The following GRM8 variants were observed in gnomAD, a reference collection of about 807,000 sequenced individuals.
The protein encoded by GRM8 is metabotropic glutamate receptor 8.
A neutral mutation model predicts 87.2 loss-of-function variants in GRM8; 47 were observed. That is an observed-to-expected ratio of 0.54 (90% confidence interval 0.43 to 0.69). GRM8 has a LOEUF of 0.69. GRM8 is among the 30% of genes least tolerant of loss of function. The pLI, the probability that GRM8 is intolerant of heterozygous loss-of-function variation, is 0.00. For synonymous variants in GRM8, 396 were observed against 404.5 expected, an observed-to-expected ratio of 0.98 and a Z score of 0.25; for missense variants, 1,019 against 1,139.2, an observed-to-expected ratio of 0.89 and a Z score of 1.52.
chr7:126,892,902 T>G (rs1392375338), intron 6 of GRM8, among the ~76,000 whole-genome samples: 13 of 152,164 alleles, frequency 8.5e-5, no homozygotes, highest in Admixed American at 8.5e-4. Context: ...GGTGAGCATT[T>G]TTTCATGTGT....
intron 6 of GRM8, among the ~76,000 whole-genome samples, chr7:126,785,025 C>T (rs1027841910): frequency 3.3e-5 from 5 of 152,192 alleles, no homozygotes; most frequent in African/African-American, 4.8e-5. Context: ...CACAAGCTTG[C>T]GTTCAGCTTC....
At chr7:126,588,091 T>A (rs906785296) in intron 8 of GRM8, among the ~76,000 whole-genome samples, 2 of 152,150 alleles carry the variant, frequency 1.3e-5, no homozygotes, top group African/African-American at 2.4e-5. Flanking sequence ...CATATCTGAT[T>A]TTTGAATCTA....
At chr7:126,856,562 G>A (rs935617888) in intron 6 of GRM8, among the ~76,000 whole-genome samples, 1 of 152,144 alleles carries the variant, frequency 6.6e-6, no homozygotes, top group Non-Finnish European at 1.5e-5. Flanking sequence ...ATATAACTAA[G>A]TTTAGAAGTC....
At chr7:127,215,715 C>A (rs1796487382) in intron 2 of GRM8, among the ~76,000 whole-genome samples, 1 of 152,158 alleles carries the variant, frequency 6.6e-6, no homozygotes, top group Admixed American at 6.5e-5. Flanking sequence ...TTCTCAGTGT[C>A]TGTAATTGGG....
chr7:126,563,650 C>T (rs1793939722), intron 8 of GRM8, among the ~76,000 whole-genome samples: 1 of 152,080 alleles, frequency 6.6e-6, no homozygotes, highest in African/African-American at 2.4e-5. Context: ...GGGAAAGAGC[C>T]ATGTTTAGGG....
At chr7:126,942,818 A>G (rs1214111778) in intron 3 of GRM8, among the ~76,000 whole-genome samples, 1 of 152,168 alleles carries the variant, frequency 6.6e-6, no homozygotes, top group Admixed American at 6.5e-5. Flanking sequence ...TTCCACCAGT[A>G]GCACAGACTC....
chr7:127,061,825 T>C (rs1444102032), intron 3 of GRM8, among the ~76,000 whole-genome samples: 2 of 152,228 alleles, frequency 1.3e-5, no homozygotes, highest in Admixed American at 1.3e-4. Context: ...ATGTAAATAG[T>C]CTACTGTACT....
intron 7 of GRM8, among the ~76,000 whole-genome samples, chr7:126,718,967 C>T (rs544468815): frequency 1.3e-4 from 20 of 152,258 alleles, no homozygotes; most frequent in African/African-American, 4.8e-4. Context: ...CTTTTATATA[C>T]TTTGGAAATA....
intron 6 of GRM8, among the ~76,000 whole-genome samples, chr7:126,772,391 CAGTG>C (rs1359033672): frequency 6.6e-6 from 1 of 152,084 alleles, no homozygotes; most frequent in Non-Finnish European, 1.5e-5. Context: ...AAAATAAAGA[CAGTG>C]AGGTTCAGGG....
chr7:126,714,278 A>AAGACTCCATCTCAAAT (rs1554464450), intron 7 of GRM8, among the ~76,000 whole-genome samples: 9 of 137,044 alleles, frequency 6.6e-5, no homozygotes, highest in African/African-American at 2.4e-4. Context: ...ACTCCATCTC[A>AAGACTCCATCTCAAAT]AATAATAATA....
At chr7:126,599,999 C>T (rs1319299966) in intron 8 of GRM8, among the ~76,000 whole-genome samples, 1 of 152,032 alleles carries the variant, frequency 6.6e-6, no homozygotes, top group Non-Finnish European at 1.5e-5. Context: ...TTTCAATGGC[C>T]TATATGTTCT....
At chr7:126,462,926 T>C (rs1273792886) in intron 9 of GRM8, among the ~76,000 whole-genome samples, 1 of 151,592 alleles carries the variant, frequency 6.6e-6, no homozygotes, top group African/African-American at 2.4e-5. Flanking sequence ...GTGGCATAGG[T>C]AGCTAACAGG....
intron 8 of GRM8, among the ~76,000 whole-genome samples, chr7:126,546,460 G>A (rs1817171676): frequency 1.3e-5 from 2 of 152,150 alleles, no homozygotes; most frequent in Non-Finnish European, 2.9e-5. Context: ...GGAGATAGGA[G>A]ACAGTGAAGT....
intron 8 of GRM8, among the ~76,000 whole-genome samples, chr7:126,588,887 T>C (rs910527029): frequency 6.6e-6 from 1 of 152,074 alleles, no homozygotes; most frequent in African/African-American, 2.4e-5. Flanking sequence ...GAGAAGGATT[T>C]GACCCTACCT....
At chr7:126,444,643 T>C (rs1263100703) in intron 10 of GRM8, among the ~76,000 whole-genome samples, 2 of 152,086 alleles carry the variant, frequency 1.3e-5, no homozygotes, top group East Asian at 3.9e-4. Context: ...CTGTGTATGG[T>C]AAATTAGAGT....
intron 3 of GRM8, among the ~76,000 whole-genome samples, chr7:127,070,322 T>C (rs1821549071): frequency 6.6e-6 from 1 of 152,168 alleles, no homozygotes; most frequent in Non-Finnish European, 1.5e-5. Context: ...TTGATTGTTT[T>C]CTAAGAAAAA....
At chr7:126,535,781 A>C (rs1013034845) in intron 8 of GRM8, among the ~76,000 whole-genome samples, 1 of 151,944 alleles carries the variant, frequency 6.6e-6, no homozygotes, top group Admixed American at 6.5e-5. Context: ...AGTCCCTCCT[A>C]CCTCATCATG....
At chr7:127,120,251 T>C (rs1312255768) in intron 2 of GRM8, among the ~76,000 whole-genome samples, 2 of 152,202 alleles carry the variant, frequency 1.3e-5, no homozygotes, top group Non-Finnish European at 2.9e-5. Flanking sequence ...CAGTGGCCAG[T>C]TGGCCACCAG....
At chr7:127,169,817 A>C (rs1367541817) in intron 2 of GRM8, among the ~76,000 whole-genome samples, 2 of 152,234 alleles carry the variant, frequency 1.3e-5, no homozygotes, top group Non-Finnish European at 2.9e-5. Flanking sequence ...TGAACAACAG[A>C]ACATCTGTTT....
Sources: gnomAD v4.1 joint callset for allele counts (sites outside exome capture counted in the v4.1 genomes callset) on GRCh38, gnomAD v4.1.1 for gene constraint, MANE v1.5 for transcripts, NCBI Gene and HGNC (gene_info 2026-07-23, HGNC 2026-07-21) for gene names.